The following ADARB2 variants were observed in gnomAD, a reference collection of about 807,000 sequenced individuals.
ADARB2 encodes inactive double-stranded RNA-specific editase B2.
A neutral mutation model predicts 62.2 loss-of-function variants in ADARB2; 25 were observed. That is an observed-to-expected ratio of 0.40 (90% CI 0.29 to 0.56). The LOEUF (loss-of-function observed/expected upper bound fraction) is 0.56. Among genes scored for constraint, ADARB2 ranks in the 20% least tolerant of loss-of-function variants. The probability of loss-of-function intolerance (pLI) is 0.43; values close to 1 mark genes in which losing one functional copy is unlikely to be tolerated. For missense variants in ADARB2, 1,071 were observed against 1,077.4 expected (o/e 0.99, Z 0.08); for synonymous variants, 572 against 500.8 (o/e 1.14, Z -1.90).
intron 1 of ADARB2, among the ~76,000 whole-genome samples, chr10:1,588,529 G>T (rs1833209173): frequency 6.6e-6 from 1 of 152,214 alleles, no homozygotes; most frequent in African/African-American, 2.4e-5. Context: ...ATTTGCTGGT[G>T]AACAATCAAA....
intron 1 of ADARB2, among the ~76,000 whole-genome samples, chr10:1,387,709 T>C (rs908990048): frequency 6.6e-5 from 10 of 152,038 alleles, no homozygotes; most frequent in African/African-American, 2.4e-4. Context: ...TGCAAAATTT[T>C]CTAGAAAAAT....
chr10:1,210,952 C>T (rs568715705), intron 7 of ADARB2, among the ~76,000 whole-genome samples: 61 of 152,310 alleles, frequency 4.0e-4, no homozygotes, highest in Non-Finnish European at 6.0e-4. Context: ...CTGGGCAACG[C>T]GGAGGCTGTA....
chr10:1,543,190 C>A (rs567605039), intron 1 of ADARB2, among the ~76,000 whole-genome samples: 1 of 152,204 alleles, frequency 6.6e-6, no homozygotes, highest in Admixed American at 6.5e-5. Flanking sequence ...GAGCCAGAAA[C>A]GAAACCCTGA....
intron 4 of ADARB2, among the ~76,000 whole-genome samples, chr10:1,243,054 A>G (rs1443997013): frequency 1.3e-5 from 2 of 152,226 alleles, no homozygotes; most frequent in African/African-American, 4.8e-5. Context: ...TAGATGGTGA[A>G]TTCCTTGAGG....
chr10:1,293,022 A>AAG (rs1831483928), intron 3 of ADARB2: 2 of 36,836 alleles, frequency 5.4e-5, no homozygotes, highest in African/African-American at 3.0e-4. Flanking sequence ...GGGAGGGGAG[A>AAG]GAGAGGGACA....
intron 1 of ADARB2, chr10:1,557,118 G>C (rs1832716055): frequency 5.9e-6 from 2 of 339,360 alleles, no homozygotes; most frequent in Admixed American, 8.6e-5. Flanking sequence ...CTCAGTTTCA[G>C]GTGTCCAGTC....
chr10:1,557,927 AAAAAC>A (rs150093757), intron 1 of ADARB2, among the ~76,000 whole-genome samples: 11 of 149,752 alleles, frequency 7.3e-5, no homozygotes, highest in Admixed American at 4.6e-4. Flanking sequence ...GACCCTATCT[AAAAAC>A]AAAACAAAAC....
At position 1,220,297 on chromosome 10, in the gene ADARB2, ATGG is replaced by A. The variant is rs1397587788; in HGVS notation, c.1514-3181_1514-3179del. Among the ~76,000 whole-genome samples the A allele has an allele frequency of 1.0e-4, 11 of 107,698 alleles. No individual in the cohort carries two copies. In the South Asian group the frequency reaches 1.4e-3, roughly 13 times the overall value. 70.7% of individuals were successfully genotyped at this position (107,698 alleles called of 152,430 possible). ...GATGGTAATGGTGATGGTGGTGGTG[ATGG>A]TGGTGATGGTGGTAATGGTGATGGT... On this transcript the variant is annotated intron_variant, in intron 6 of 9. Transcript: ENST00000381312.
chr10:1,586,219 T>C (rs949366759), intron 1 of ADARB2, among the ~76,000 whole-genome samples: 1 of 152,198 alleles, frequency 6.6e-6, no homozygotes, highest in African/African-American at 2.4e-5. Context: ...CCCCAAATTA[T>C]TAAAGTCTAT....
intron 1 of ADARB2, 46 bp downstream of exon 1, chr10:1,737,005 C>G: frequency 6.3e-7 from 1 of 1,594,804 alleles, no homozygotes; most frequent in South Asian, 1.1e-5. Context: ...GGTGGAGAAG[C>G]CGGGGGTGAA....
chr10:1,277,694 AT>A (rs1457905189), intron 3 of ADARB2, among the ~76,000 whole-genome samples: 1 of 152,212 alleles, frequency 6.6e-6, no homozygotes, highest in Non-Finnish European at 1.5e-5. Context: ...AGCTGGTACC[AT>A]TCCTTCTGAA....
At chr10:1,404,408 A>G (rs1832689103) in intron 1 of ADARB2, among the ~76,000 whole-genome samples, 1 of 152,230 alleles carries the variant, frequency 6.6e-6, no homozygotes, top group African/African-American at 2.4e-5. Context: ...ATAATTCTGC[A>G]GAGATGCTGC....
At chr10:1,564,819 A>C (rs1057027003) in intron 1 of ADARB2, among the ~76,000 whole-genome samples, 4 of 151,778 alleles carry the variant, frequency 2.6e-5, no homozygotes, top group African/African-American at 7.3e-5. Flanking sequence ...TTTAAAACAA[A>C]CCCAGAGCTT....
rs1832587340 is a variant in ADARB2 at position 1,393,504 on chromosome 10, T to TGG, written c.101-14345_101-14344insCC. ...GGGTACGCATTAGCCATCACCACCT[T>TGG]CCCCATCTCATGGTTTAATTTCTAA... On this transcript the variant is annotated intron_variant, in intron 1 of 9. Transcript: ENST00000381312. Among the ~76,000 whole-genome samples the TGG allele has an allele frequency of 2.0e-5, 3 of 152,308 alleles. No individual in the cohort carries two copies. The South Asian group carries it at 6.2e-4, about 32-fold the overall frequency.
chr10:1,362,427 A>G (rs1290406501), intron 3 of ADARB2, among the ~76,000 whole-genome samples: 1 of 152,246 alleles, frequency 6.6e-6, no homozygotes, highest in Non-Finnish European at 1.5e-5. Context: ...GGTAACGCCC[A>G]GACAGTTGAG....
rs776417152 is a variant in ADARB2 at position 1,696,164 on chromosome 10, ATG to A, written c.100+40885_100+40886del. Among the ~76,000 whole-genome samples, 20 of 135,384 alleles carry A rather than the reference ATG, an allele frequency of 1.5e-4. No individual in the cohort carries two copies. In the East Asian group the frequency reaches 2.3e-3, roughly 16 times the overall value. 88.8% of individuals were successfully genotyped at this position (135,384 alleles called of 152,430 possible). On this transcript the variant is annotated intron_variant, in intron 1 of 9. Coordinates refer to ENST00000381312, the MANE Select transcript of ADARB2 (RefSeq NM_018702.4). ...ATGTATATTGTGTGTATGTGTTTGC[ATG>A]TGTCTGTGTATGCACACATGCATAT...
chr10:1,661,393 C>A (rs1834245719), intron 1 of ADARB2, among the ~76,000 whole-genome samples: 1 of 152,278 alleles, frequency 6.6e-6, no homozygotes, highest in Non-Finnish European at 1.5e-5. Flanking sequence ...TCTTCCCCAC[C>A]CAAACGTCCT....
chr10:1,322,601 G>A (rs2131828261), intron 3 of ADARB2, among the ~76,000 whole-genome samples: 1 of 152,242 alleles, frequency 6.6e-6, no homozygotes, highest in Middle Eastern at 3.4e-3. Context: ...AAGCCATTTG[G>A]TCATTTGGAG....
intron 9 of ADARB2, among the ~76,000 whole-genome samples, chr10:1,183,903 C>T (rs1007548306): frequency 4.6e-5 from 7 of 152,200 alleles, no homozygotes; most frequent in South Asian, 2.1e-4. Context: ...AATCCCACAG[C>T]GGGTCTTCCA....
Sources: gnomAD v4.1 joint callset for allele counts (sites outside exome capture counted in the v4.1 genomes callset) on GRCh38, gnomAD v4.1.1 for gene constraint, MANE v1.5 for transcripts, NCBI Gene and HGNC (gene_info 2026-07-23, HGNC 2026-07-21) for gene names.